FLNC: variants seen among roughly 807,000 people sequenced by gnomAD.
FLNC encodes the protein filamin C, also known as filamin-C.
Under a neutral mutation model 254.3 loss-of-function variants are expected in FLNC, and 91 were observed. That is an observed-to-expected ratio of 0.36 (90% CI 0.30 to 0.43). The LOEUF (loss-of-function observed/expected upper bound fraction) is 0.43. Ranked by LOEUF, FLNC falls within the 20% of genes least tolerant of loss-of-function variation. FLNC has a pLI of 1.00. For synonymous variants in FLNC, 1,430 were observed against 1,577.2 expected (o/e 0.91, Z 2.21); for missense variants, 2,853 against 3,802.6 (o/e 0.75, Z 6.57).
Position 128,837,149 on chromosome 7 carries a change from C to A in FLNC, c.602-11C>A. 1.3e-6 allele frequency: 2 copies of A among 1,580,448 alleles called. No individual in the cohort carries two copies. The highest frequency in any genetic ancestry group is 1.7e-6 in the Non-Finnish European group (2 of 1,160,198). On this transcript the variant is annotated splice_polypyrimidine_tract_variant and intron_variant, in intron 2 of 47. Transcript: ENST00000325888. ...GCCCCTCACCATCGTCTCCCTCCAT[C>A]ACCTCTCCAGGTCTCTGCCCCGACT...
intron 1 of FLNC, among the ~76,000 whole-genome samples, chr7:128,832,448 T>C (rs1161545140): frequency 6.6e-6 from 1 of 152,162 alleles, no homozygotes; most frequent in Non-Finnish European, 1.5e-5. Context: ...GGACTGACTG[T>C]ACCAGGTGGG....
rs1357241229 is a variant in FLNC, at chr7:128,856,676, TC to T, written c.7384+29del. ...GTGAGCTGGCCCTGCCCCTGCCAACTCCCTTCCGGGCTGGGGCCTTCTGGGG... is the reference window on the plus strand; with the variant it reads ...GTGAGCTGGCCCTGCCCCTGCCAACTCCTTCCGGGCTGGGGCCTTCTGGGG... On this transcript the variant is annotated intron_variant, in intron 44 of 47. Coordinates refer to ENST00000325888, the MANE Select transcript of FLNC (RefSeq NM_001458.5). The surrounding 1 kb of genome is among the most constrained non-coding windows in gnomAD (Gnocchi z 5.9). 3 of 1,613,516 alleles carry T rather than the reference TC, an allele frequency of 1.9e-6. No individual in the cohort carries two copies. Among genetic ancestry groups the T allele is most frequent in the Non-Finnish European group, 2.5e-6 (3 of 1,179,982 alleles).
rs1308149755 is a variant in FLNC at position 128,840,156 on chromosome 7, G to A, written c.1545G>A (p.Gly515=). The A allele has an allele frequency of 1.2e-6, 2 of 1,613,798 alleles. No homozygotes were observed. The highest frequency in any genetic ancestry group is 2.2e-5 in the East Asian group (1 of 44,886). Residue 515 remains glycine (G), a synonymous_variant, in exon 9 of 48, where the codon GGG becomes GGA. Transcript: ENST00000325888. ...GSGELKVTVK[G]PKGTEEPVKV... is the part of the protein sequence containing the mutation. ...GGGAGCTCAAGGTCACGGTCAAGGGGCCAAGTGAGTGCCAGAGCCCAGGGT... is the reference window on the plus strand; with the variant it reads ...GGGAGCTCAAGGTCACGGTCAAGGGACCAAGTGAGTGCCAGAGCCCAGGGT...
At position 128,856,711 on chromosome 7, in the gene FLNC, G is replaced by A. The variant is rs757956341; in HGVS notation, c.7385-34G>A. 1 of 1,614,032 alleles carries A rather than the reference G, an allele frequency of 6.2e-7. No homozygotes were observed. The highest frequency in any genetic ancestry group is 2.2e-5 in the East Asian group (1 of 44,880). ...GCTGGGGCCTTCTGGGGAGGGGAAG[G>A]ATGGAGGCTAAGCCACCAACCCTTT... On this transcript the variant is annotated intron_variant, in intron 44 of 47. Coordinates refer to ENST00000325888, the MANE Select transcript of FLNC (RefSeq NM_001458.5). The surrounding 1 kb of genome is among the most constrained non-coding windows in gnomAD (Gnocchi z 5.9).
chr7:128,834,340 G>C (rs1359269728), intron 1 of FLNC, among the ~76,000 whole-genome samples: 1 of 140,178 alleles, frequency 7.1e-6, no homozygotes, highest in Non-Finnish European at 1.5e-5. Flanking sequence ...TGAGGAACCA[G>C]TTCTGGCTCA....
Position 128,841,064 on chromosome 7 carries a change from C to T in FLNC, c.1813+94C>T. 1 of 1,570,036 alleles carries T rather than the reference C, an allele frequency of 6.4e-7. No individual in the cohort carries two copies. Among genetic ancestry groups the T allele is most frequent in the Non-Finnish European group, 8.7e-7 (1 of 1,148,516 alleles). On this transcript the variant is annotated intron_variant, in intron 11 of 47. Coordinates refer to ENST00000325888, the MANE Select transcript of FLNC (RefSeq NM_001458.5). This position sits in a 1 kb window ranked among gnomAD's most constrained non-coding sequence, Gnocchi z 4.3. The stretch of plus-strand genomic sequence containing the variant: ...GGTGCAGTGCGCATGCTGGGGAGCG[C>T]TGGGGTGAGCAGGGAGATAGGACAT...
Position 128,847,907 on chromosome 7 carries a change from C to T in FLNC, c.4457-38C>T, listed in dbSNP as rs199606672. 1,552 of 1,613,740 alleles carry T rather than the reference C, an allele frequency of 9.6e-4. 25 individuals carry two copies. In the South Asian group the frequency reaches 0.012, roughly 12 times the overall value. ...CAGGGAGGAGGGAGGTGGGGCGGGA[C>T]GCCCGGAGGCTCTGCTGACCCTGTG... On this transcript the variant is annotated intron_variant, in intron 25 of 47. Coordinates refer to ENST00000325888, the MANE Select transcript of FLNC (RefSeq NM_001458.5).
In FLNC at chr7:128,847,774, G is replaced by A. The variant is rs749357533; in HGVS notation, c.4366G>A (p.Gly1456Ser). The change falls in exon 25 of 48, where the codon GGT becomes AGT. Residue 1456 changes from glycine to serine, a missense_variant. By Grantham distance (56) the Gly-to-Ser change is moderately conservative (BLOSUM62 0). Coordinates refer to ENST00000325888, the MANE Select transcript of FLNC (RefSeq NM_001458.5). ...GTGCTCAGGGCCAGGGCTGGGGGCT[G>A]GTGTCAGGGCCCGGGTTCCTCAGAC... ...VKCSGPGLGA[G>S]VRARVPQTFT... is the part of the protein sequence containing the mutation. 1 of 1,614,010 alleles carries A rather than the reference G, an allele frequency of 6.2e-7. No homozygotes were observed. The highest frequency in any genetic ancestry group is 1.3e-5 in the African/African-American group (1 of 74,926).
In FLNC at chr7:128,857,407, G is replaced by A. The variant is rs1281254170; in HGVS notation, c.7780+71G>A. ...CAGCCTGGAGGGCTCCGGTGGCCAC[G>A]CACATCTAGGCCATAGTCTGCCCCC... On this transcript the variant is annotated intron_variant, in intron 46 of 47. Coordinates refer to ENST00000325888, the MANE Select transcript of FLNC (RefSeq NM_001458.5). The surrounding 1 kb of genome is among the most constrained non-coding windows in gnomAD (Gnocchi z 4.5). 1.7e-5 allele frequency: 16 copies of A among 922,820 alleles called. No homozygotes were observed. Among genetic ancestry groups the A allele is most frequent in the East Asian group, 7.7e-5 (3 of 38,768 alleles). The allele number at this position is 922,820 out of a possible 1,614,324, so 57.2% of individuals were successfully genotyped here.
intron 16 of FLNC, 101 bp from the exon 17 acceptor site, chr7:128,843,128 T>C (rs1336808724): frequency 8.7e-6 from 12 of 1,382,406 alleles, no homozygotes; most frequent in Non-Finnish European, 1.2e-5. Flanking sequence ...AGGCTGCCCC[T>C]GTCCATGCTG....
chr7:128,855,162 C>A, intron 42 of FLNC, 37 bp from the exon 43 acceptor site: 1 of 1,462,636 alleles, frequency 6.8e-7, no homozygotes, highest in Non-Finnish European at 9.6e-7. Context: ...TGCCAACCTC[C>A]ATCCCGGAAC....
rs771018460 is a variant in FLNC at position 128,853,632 on chromosome 7, G to T, written c.6361+11G>T. ...ACAAGCACGTGCCTGGTAAGGCTCT[G>T]GGCAGAGGTCGGTGGCGAGAGACAG... On this transcript the variant is annotated intron_variant, in intron 38 of 47. Coordinates refer to ENST00000325888, the MANE Select transcript of FLNC (RefSeq NM_001458.5). 53 of 1,614,008 alleles carry T rather than the reference G, an allele frequency of 3.3e-5. No homozygotes were observed. Among genetic ancestry groups the T allele is most frequent in the Non-Finnish European group, 4.2e-5 (49 of 1,180,038 alleles).
Position 128,848,979 on chromosome 7 carries a change from A to G in FLNC, c.4924A>G (p.Thr1642Ala). 1 of 1,611,168 alleles carries G rather than the reference A, an allele frequency of 6.2e-7. No individual in the cohort carries two copies. The highest frequency in any genetic ancestry group is 2.2e-5 in the East Asian group (1 of 44,826). The part of the protein sequence containing the change: ...PTGDASKCLV[T>A]VSIGGHGLGA... ...TGGGGATGCCAGCAAGTGCCTCGTC[A>G]CAGGTGGGTGCCCACCCGCTGCCCG... is the stretch of plus-strand genomic sequence containing the variant. Residue 1642 changes from threonine (T) to alanine (A), a missense_variant, in exon 28 of 48, where the codon ACA becomes GCA. This residue lies in a region of FLNC where 258 missense variants were observed against 312.3 expected (regional missense o/e 0.83). Transcript: ENST00000325888.
In FLNC at chr7:128,852,835, C is replaced by A; in HGVS notation, c.6012C>A (p.Ser2004=). ...AACACCCACTTTCCACAGGGATCTCCTTCACCCCCAAGGAGGTCGGGGAGC... is the reference window on the plus strand; with the variant it reads ...AACACCCACTTTCCACAGGGATCTCATTCACCCCCAAGGAGGTCGGGGAGC... ...KRLPNRHIGI[S]FTPKEVGEHV... Residue 2004 remains serine (S), a synonymous_variant, in exon 37 of 48, where the codon TCC becomes TCA. Coordinates refer to ENST00000325888, the MANE Select transcript of FLNC (RefSeq NM_001458.5). 2 of 1,613,886 alleles carry A rather than the reference C, an allele frequency of 1.2e-6. No homozygotes were observed. The highest frequency in any genetic ancestry group is 4.5e-5 in the East Asian group (2 of 44,890).
chr7:128,843,665 A>C (rs1241410625), intron 18 of FLNC, 88 bp downstream of exon 18: 5 of 1,540,252 alleles, frequency 3.2e-6, no homozygotes, highest in Non-Finnish European at 4.5e-6. Flanking sequence ...CCAGTTCTGG[A>C]TCCTCCACGC....
rs1274199236 is a variant in FLNC at position 128,835,290 on chromosome 7, G to C, written c.353-36G>C. 1 of 1,611,230 alleles carries C rather than the reference G, an allele frequency of 6.2e-7. No homozygotes were observed. The highest frequency in any genetic ancestry group is 8.5e-7 in the Non-Finnish European group (1 of 1,179,778). ...GTGCTCTGGGGCAGTGGAGGGTGGGGCGCCCCTGAGCCCGTCTGTGCCCTC... is the reference window on the plus strand; with the variant it reads ...GTGCTCTGGGGCAGTGGAGGGTGGGCCGCCCCTGAGCCCGTCTGTGCCCTC... On this transcript the variant is annotated intron_variant, in intron 1 of 47. Transcript: ENST00000325888. The surrounding 1 kb of genome is among the most constrained non-coding windows in gnomAD (Gnocchi z 5.3).
rs867032077 is a variant in FLNC at position 128,854,105 on chromosome 7, C to A, written c.6616C>A (p.Arg2206=). 5 of 1,612,140 alleles carry A rather than the reference C, an allele frequency of 3.1e-6. No individual in the cohort carries two copies. The East Asian group carries it at 8.9e-5, about 29-fold the overall frequency. The change falls in exon 40 of 48, where the codon CGG becomes AGG. Residue 2206 remains arginine, a synonymous_variant. Coordinates refer to ENST00000325888, the MANE Select transcript of FLNC (RefSeq NM_001458.5). ...TRGGETKREV[R]VEESTQVGGD... is the part of the protein sequence containing the mutation. ...GGGCGGGGAGACAAAGCGCGAGGTG[C>A]GGGTGGAGGAGTCCACCCAGGTCGG... is the stretch of plus-strand genomic sequence containing the variant.
chr7:128,834,031 G>A (rs902562286), intron 1 of FLNC, among the ~76,000 whole-genome samples: 5 of 152,076 alleles, frequency 3.3e-5, no homozygotes, highest in African/African-American at 7.2e-5. Flanking sequence ...CCAGGCTCTC[G>A]GTCTCCTAAC....
Position 128,830,844 on chromosome 7 carries a change from G to A in FLNC, c.207G>A (p.Arg69=). The A allele has an allele frequency of 1.2e-6, 2 of 1,613,088 alleles. No individual in the cohort carries two copies. The highest frequency in any genetic ancestry group is 1.7e-6 in the Non-Finnish European group (2 of 1,179,948). ...DLQRDLSDGL[R]LIALLEVLSQ... ...AGCGCGACCTCAGCGACGGGCTCCG[G>A]CTCATCGCGCTGCTCGAGGTGCTCA... The change falls in exon 1 of 48, where the codon CGG becomes CGA. Residue 69 remains arginine, a synonymous_variant. Coordinates refer to ENST00000325888, the MANE Select transcript of FLNC (RefSeq NM_001458.5).
Sources: gnomAD v4.1 joint callset for allele counts (sites outside exome capture counted in the v4.1 genomes callset) on GRCh38, gnomAD v4.1.1 for gene constraint, gnomAD v4.1.1 regional missense constraint, Gnocchi (gnomAD v3.1) non-coding constraint, MANE v1.5 for transcripts, NCBI Gene and HGNC (gene_info 2026-07-23, HGNC 2026-07-21) for gene names.